Variants in OSBPL10 observed in about 807,000 individuals in gnomAD.
The protein encoded by OSBPL10 is oxysterol-binding protein-related protein 10.
Under a neutral mutation model 81.7 loss-of-function variants are expected in OSBPL10, and 49 were observed. The observed-to-expected ratio is 0.60, with a 90% confidence interval of 0.48 to 0.76. The LOEUF (loss-of-function observed/expected upper bound fraction) is 0.76, where lower values mean the gene tolerates loss of function less well. Among genes scored for constraint, OSBPL10 ranks in the 30% least tolerant of loss-of-function variants. The pLI is 0.00. For synonymous variants in OSBPL10, 419 were observed against 383.6 expected (o/e 1.09, Z -1.08); for missense variants, 923 against 987.8 (o/e 0.93, Z 0.88).
chr3:31,812,364 C>T (rs1699702808), intron 4 of OSBPL10, among the ~76,000 whole-genome samples: 1 of 152,192 alleles, frequency 6.6e-6, no homozygotes, highest in African/African-American at 2.4e-5. Flanking sequence ...TAATTTAATA[C>T]CTGGTTAACG....
intron 2 of OSBPL10, among the ~76,000 whole-genome samples, chr3:32,023,839 T>C (rs546289784): frequency 6.6e-6 from 1 of 152,328 alleles, no homozygotes; most frequent in African/African-American, 2.4e-5. Flanking sequence ...ATTTCCTATA[T>C]ATGTAAACTT....
intron 1 of OSBPL10, among the ~76,000 whole-genome samples, chr3:31,892,706 T>TGAGGGAGAGGGA (rs1196698579): frequency 1.3e-5 from 2 of 152,138 alleles, no homozygotes; most frequent in African/African-American, 4.8e-5. Flanking sequence ...TTCTGCTGCC[T>TGAGGGAGAGGGA]GAGGGAGAGG....
At chr3:31,935,527 T>C (rs1258499009) in intron 1 of OSBPL10, among the ~76,000 whole-genome samples, 1 of 150,324 alleles carries the variant, frequency 6.7e-6, no homozygotes, top group East Asian at 2.1e-4. Context: ...TTTTTTTTTT[T>C]TCTTTTTTTT....
Position 31,680,259 on chromosome 3 carries a change from G to A in OSBPL10, c.1726+3375C>T, listed in dbSNP as rs548465034. Reference sequence around the variant, plus strand: ...CAACAGCCCTGGCTGTGTCCATATAGGGCTCTAATCGCCCTTGACCTGATC... The same window carrying A: ...CAACAGCCCTGGCTGTGTCCATATAAGGCTCTAATCGCCCTTGACCTGATC... On this transcript the variant is annotated intron_variant, in intron 8 of 11. Coordinates refer to ENST00000396556, the MANE Select transcript of OSBPL10 (RefSeq NM_017784.5). Among the ~76,000 whole-genome samples, 3 of 152,284 alleles carry A rather than the reference G, an allele frequency of 2.0e-5. No homozygotes were observed. In the East Asian group the frequency reaches 5.8e-4, roughly 29 times the overall value.
At chr3:31,956,170 T>A (rs1698001176) in intron 1 of OSBPL10, among the ~76,000 whole-genome samples, 1 of 152,164 alleles carries the variant, frequency 6.6e-6, no homozygotes. Context: ...ACAGCAACCC[T>A]TCTAAATGGC....
chr3:31,839,685 G>A (rs1269002754), intron 3 of OSBPL10, among the ~76,000 whole-genome samples: 2 of 151,888 alleles, frequency 1.3e-5, no homozygotes, highest in African/African-American at 4.8e-5. Context: ...GCCCTGGGGT[G>A]AGAGTTCACT....
intron 10 of OSBPL10, among the ~76,000 whole-genome samples, chr3:31,667,844 C>T (rs1471923856): frequency 1.3e-5 from 2 of 152,252 alleles, no homozygotes; most frequent in Non-Finnish European, 2.9e-5. Flanking sequence ...CCATAGTTTG[C>T]TGATGTCCTA....
Position 31,664,183 on chromosome 3 carries a change from C to A in OSBPL10, c.2146G>T (p.Ala716Ser). The A allele has an allele frequency of 5.0e-6, 8 of 1,613,294 alleles. No individual in the cohort carries two copies. The highest frequency in any genetic ancestry group is 6.8e-6 in the Non-Finnish European group (8 of 1,180,006). The change falls in exon 11 of 12, where the codon GCA becomes TCA. Residue 716 changes from alanine (A) to serine (S), a missense_variant. Ala to Ser is a moderately conservative substitution (Grantham distance 99, BLOSUM62 1). Coordinates refer to ENST00000396556, the MANE Select transcript of OSBPL10 (RefSeq NM_017784.5). The part of the protein sequence containing the change: ...TRYLRLGDID[A>S]ATEQKRHLEE... The stretch of plus-strand genomic sequence containing the variant: ...AGGTGCCGCTTCTGCTCGGTGGCTG[C>A]GTCAATGTCCCCCAGCCGCAGGTAT...
At chr3:31,930,003 C>CAAAAAAAAAAAAAAAAAAAAAA (rs57256301) in intron 1 of OSBPL10, among the ~76,000 whole-genome samples, 4 of 72,574 alleles carry the variant, frequency 5.5e-5, no homozygotes, top group African/African-American at 1.1e-4. Flanking sequence ...TGTCACCAAC[C>CAAAAAAAAAAAAAAAAAAAAAA]AAAAAAAAAA....
intron 3 of OSBPL10, among the ~76,000 whole-genome samples, chr3:31,846,904 C>T (rs925767835): frequency 1.3e-5 from 2 of 152,038 alleles, no homozygotes; most frequent in African/African-American, 4.8e-5. Context: ...ATTCCTCTAT[C>T]CCCCAACTAT....
At chr3:31,969,640 T>C (rs1473310978) in intron 1 of OSBPL10, 1 of 152,086 alleles carries the variant, frequency 6.6e-6, no homozygotes, top group Admixed American at 6.6e-5. Context: ...GATTACTTGA[T>C]TACTTGAGGC....
intron 6 of OSBPL10, among the ~76,000 whole-genome samples, chr3:31,712,505 G>A (rs1194212346): frequency 6.6e-6 from 1 of 152,222 alleles, no homozygotes; most frequent in Non-Finnish European, 1.5e-5. Flanking sequence ...CTGTGGACAG[G>A]AAGAGGAATA....
chr3:31,686,789 G>A (rs910230656), intron 7 of OSBPL10, among the ~76,000 whole-genome samples: 5 of 151,910 alleles, frequency 3.3e-5, no homozygotes, highest in African/African-American at 4.8e-5. Context: ...TGCCTTTTTC[G>A]TGGGGACAGG....
At chr3:31,809,925 G>A (rs1315756155) in intron 4 of OSBPL10, among the ~76,000 whole-genome samples, 1 of 138,444 alleles carries the variant, frequency 7.2e-6, no homozygotes, top group Non-Finnish European at 1.5e-5. Context: ...AGGCTGGAAT[G>A]CAATGGAGTG....
intron 3 of OSBPL10, among the ~76,000 whole-genome samples, chr3:31,848,534 G>A (rs372620762): frequency 9.9e-5 from 15 of 151,994 alleles, no homozygotes; most frequent in East Asian, 1.9e-4. Context: ...CATTTAAAAC[G>A]AAAAGTAACC....
intron 2 of OSBPL10, among the ~76,000 whole-genome samples, chr3:32,019,610 T>G (rs923890822): frequency 6.6e-6 from 1 of 152,240 alleles, no homozygotes. Context: ...TTTTCATATG[T>G]TCAACATCCA....
chr3:31,945,768 C>G (rs762491396), intron 1 of OSBPL10, among the ~76,000 whole-genome samples: 13 of 152,148 alleles, frequency 8.5e-5, no homozygotes, highest in African/African-American at 1.2e-4. Flanking sequence ...ACCCTTGTTT[C>G]TGTGACACAG....
chr3:31,684,193 C>A (rs1700733552), intron 7 of OSBPL10, 79 bp from the exon 8 acceptor site: 1 of 1,545,082 alleles, frequency 6.5e-7, no homozygotes, highest in African/African-American at 1.4e-5. Context: ...AGGCTGCAAC[C>A]ACTGTTAAGC....
intron 7 of OSBPL10, among the ~76,000 whole-genome samples, chr3:31,698,277 C>G (rs1695789701): frequency 6.6e-6 from 1 of 151,758 alleles, no homozygotes; most frequent in African/African-American, 2.4e-5. Flanking sequence ...TGGTGAAACC[C>G]CATCTCTACT....
Sources: allele counts gnomAD v4.1 joint callset (sites outside exome capture counted in the v4.1 genomes callset), GRCh38; gene constraint gnomAD v4.1.1; transcripts MANE v1.5; gene names NCBI Gene and HGNC (gene_info 2026-07-23, HGNC 2026-07-21).